Variants in POLD1 observed in about 807,000 individuals in gnomAD.
POLD1 encodes DNA polymerase delta catalytic subunit.
A neutral mutation model predicts 129.7 loss-of-function variants in POLD1; 79 were observed. The observed-to-expected ratio is 0.61, with a 90% CI of 0.51 to 0.73. The LOEUF is 0.73. POLD1 is among the 30% of genes least tolerant of loss of function. POLD1 has a pLI of 0.00. For missense variants in POLD1, 1,338 were observed against 1,595.8 expected, an observed-to-expected ratio of 0.84 and a Z score of 2.75; for synonymous variants, 714 against 683.3, an observed-to-expected ratio of 1.04 and a Z score of -0.70.
At chr19:50,408,599 T>G in intron 14 of POLD1, 186 bp from the exon 15 acceptor site, 2 of 885,924 alleles carry the variant, frequency 2.3e-6, no homozygotes, top group East Asian at 5.1e-5. Context: ...CCCAGGCTGA[T>G]CTGAAACTCC....
chr19:50,417,828 G>A lies in POLD1; in HGVS notation c.3219-14G>A, dbSNP rs755458518. 1.3e-6 allele frequency: 2 copies of A among 1,558,862 alleles called. No individual in the cohort carries two copies. The highest frequency in any genetic ancestry group is 1.7e-6 in the Non-Finnish European group (2 of 1,143,212). On this transcript the variant is annotated splice_polypyrimidine_tract_variant and intron_variant, in intron 26 of 26. Transcript: ENST00000440232. The stretch of plus-strand genomic sequence containing the variant: ...CTTGGCTGGTCCTGACCCTGCCCCT[G>A]CCCCCACCCGCAGCCGGGACTGCCC...
At chr19:50,410,458 T>C (rs972750075) in intron 17 of POLD1, among the ~76,000 whole-genome samples, 24 of 152,010 alleles carry the variant, frequency 1.6e-4, no homozygotes, top group African/African-American at 5.8e-4. Flanking sequence ...GGGTGGGGCC[T>C]TTGCACACAC....
chr19:50,413,653 G>A (rs1004874353), intron 18 of POLD1, 89 bp from the exon 19 acceptor site: 20 of 1,543,956 alleles, frequency 1.3e-5, no homozygotes, highest in African/African-American at 1.1e-4. Flanking sequence ...CTTGGGTCCC[G>A]TTGGCATTAG....
rs2039018033 is a variant in POLD1, at chr19:50,409,502, C to T, written c.2007-17C>T. On this transcript the variant is annotated splice_polypyrimidine_tract_variant and intron_variant, in intron 16 of 26. Coordinates refer to ENST00000440232, the MANE Select transcript of POLD1 (RefSeq NM_002691.4). This position sits in a 1 kb window ranked among gnomAD's most constrained non-coding sequence, Gnocchi z 5.8. ...CCAGGTGCCGCCTGAGTGTGCTTTC[C>T]CCGTGTTCCCTCGCAGGGCCAAGGC... The T allele has an allele frequency of 1.9e-6, 3 of 1,613,510 alleles. No individual in the cohort carries two copies. In the African/African-American group the frequency reaches 4.0e-5, roughly 21 times the overall value.
rs3219362 is a variant in POLD1 at position 50,398,595 on chromosome 19, A to T, written c.-1-256A>T. On this transcript the variant is annotated intron_variant, in intron 1 of 26. Coordinates refer to ENST00000440232, the MANE Select transcript of POLD1 (RefSeq NM_002691.4). ...CAAAAAAAAAAAAAAAAAAAAAAGCAAGAGATGTGCTAAGGACCTAGTGTG... is the reference window on the plus strand; with the variant it reads ...CAAAAAAAAAAAAAAAAAAAAAAGCTAGAGATGTGCTAAGGACCTAGTGTG... 1.1e-4 allele frequency among the ~76,000 whole-genome samples: 14 copies of T among 133,152 alleles called. No individual in the cohort carries two copies. In the East Asian group the frequency reaches 3.3e-3, roughly 31 times the overall value. 87.4% of individuals were successfully genotyped at this position (133,152 alleles called of 152,430 possible).
intron 10 of POLD1, 74 bp downstream of exon 10, chr19:50,403,671 A>T (rs2038756458): frequency 1.1e-6 from 1 of 919,920 alleles, no homozygotes; most frequent in Non-Finnish European, 1.8e-6. Flanking sequence ...CCTCCTTCCC[A>T]CTCCCTCTCC....
rs1060501801 is a variant in POLD1, at chr19:50,417,259, A to T, written c.3208A>T (p.Ile1070Phe). 1 of 1,595,890 alleles carries T rather than the reference A, an allele frequency of 6.3e-7. No homozygotes were observed. ...RCQGSLHEDV[I>F]CTSRDCPIFY... ...CCAGGGCAGCCTGCACGAGGACGTCATCTGCACCAGGTGTGTGCCATGTCC... is the reference window on the plus strand; with the variant it reads ...CCAGGGCAGCCTGCACGAGGACGTCTTCTGCACCAGGTGTGTGCCATGTCC... Residue 1070 changes from isoleucine (I) to phenylalanine (F), a missense_variant, in exon 26 of 27, where the codon ATC becomes TTC. Transcript: ENST00000440232.
Position 50,408,759 on chromosome 19 carries a change from C to T in POLD1, c.1776-26C>T, listed in dbSNP as rs749558029. The T allele has an allele frequency of 1.9e-6, 3 of 1,612,586 alleles. No individual in the cohort carries two copies. The highest frequency in any genetic ancestry group is 1.1e-5 in the South Asian group (1 of 90,938). On this transcript the variant is annotated intron_variant, in intron 14 of 26. Transcript: ENST00000440232. ...GGCATGGGAACTCCTAGCCCTGACT[C>T]CCGGCCGCGGCTGCTCCCCTCCCAG...
Position 50,415,754 on chromosome 19 carries a change from C to A in POLD1, c.2748C>A (p.Pro916=), listed in dbSNP as rs1310437532. Residue 916 remains proline (P), a synonymous_variant, in exon 22 of 27, where the codon CCC becomes CCA. Transcript: ENST00000440232. ...GGAAGCGGGACCCCGGGAGTGCGCC[C>A]AGCCTGGGCGACCGCGTCCCCTACG... ...RMRKRDPGSA[P]SLGDRVPYVI... 5 of 1,567,578 alleles carry A rather than the reference C, an allele frequency of 3.2e-6. No homozygotes were observed. The highest frequency in any genetic ancestry group is 2.3e-5 in the East Asian group (1 of 43,206).
At position 50,401,389 on chromosome 19, in the gene POLD1, ATATTTTTTTTT is replaced by A. The variant is rs2038614206; in HGVS notation, c.317-387_317-377del. Among the ~76,000 whole-genome samples, 362 of 60,264 alleles carry A rather than the reference ATATTTTTTTTT, an allele frequency of 6.0e-3. 2 individuals are homozygous for A. The highest frequency in any genetic ancestry group is 0.026 in the African/African-American group (344 of 13,096). The allele number at this position is 60,264 out of a possible 152,430, so 39.5% of individuals were successfully genotyped here. A position where few individuals can be genotyped will look rare whatever the true frequency, so the allele number is the denominator to read the frequency against. On this transcript the variant is annotated intron_variant, in intron 3 of 26. Coordinates refer to ENST00000440232, the MANE Select transcript of POLD1 (RefSeq NM_002691.4). Reference sequence around the variant, plus strand: ...TGTGTATATATATATATATATATATATATTTTTTTTTTTTTTTTTTTTTTTTCTTTTTTTTG... The same window carrying A: ...TGTGTATATATATATATATATATATATTTTTTTTTTTTTTTCTTTTTTTTG...
At chr19:50,413,357 C>T (rs2039153231) in intron 17 of POLD1, 69 bp from the exon 18 acceptor site, 1 of 1,309,616 alleles carries the variant, frequency 7.6e-7, no homozygotes, top group East Asian at 2.5e-5. Context: ...CGGGACCCCT[C>T]CCCCGCCGGC....
At chr19:50,407,725 A>ATTTTTTT (rs571759517) in intron 14 of POLD1, among the ~76,000 whole-genome samples, 22 of 95,328 alleles carry the variant, frequency 2.3e-4, no homozygotes, top group African/African-American at 8.9e-4. Flanking sequence ...CGCCTGGCTA[A>ATTTTTTT]TTTTTTTTTT....
At chr19:50,400,068 G>T (rs968194173) in intron 3 of POLD1, among the ~76,000 whole-genome samples, 4 of 148,160 alleles carry the variant, frequency 2.7e-5, no homozygotes, top group Non-Finnish European at 5.9e-5. Context: ...ACCCGCCTTG[G>T]CCTCCCAAAG....
Position 50,400,133 on chromosome 19 carries a change from ATTT to A in POLD1, c.316+675_316+677del, listed in dbSNP as rs71182715. 7.2e-3 allele frequency among the ~76,000 whole-genome samples: 348 copies of A among 48,088 alleles called. 2 individuals are homozygous for A. Among genetic ancestry groups the A allele is most frequent in the Middle Eastern group, 0.02 (1 of 50 alleles). 31.5% of individuals were successfully genotyped at this position (48,088 alleles called of 152,430 possible). ...CCAGCCCAATTTGACTTTTTAAAAG[ATTT>A]TTTTTTTTTTTTTTTTTTTTTTTTT... On this transcript the variant is annotated intron_variant, in intron 3 of 26. Transcript: ENST00000440232.
chr19:50,399,365 C>A lies in POLD1; in HGVS notation c.203-6C>A, dbSNP rs769882752. 11 of 1,608,012 alleles carry A rather than the reference C, an allele frequency of 6.8e-6. No homozygotes were observed. The highest frequency in any genetic ancestry group is 1.1e-5 in the South Asian group (1 of 90,976). ...TGTACTCCACTTCCTTCCCTTCCCC[C>A]ACCAGGGCAGGTCCCACCATCAGCC... On this transcript the variant is annotated splice_polypyrimidine_tract_variant and splice_region_variant and intron_variant, in intron 2 of 26. Transcript: ENST00000440232.
intron 1 of POLD1, among the ~76,000 whole-genome samples, chr19:50,390,352 C>T (rs971915829): frequency 6.6e-6 from 1 of 151,740 alleles, no homozygotes; most frequent in African/African-American, 2.4e-5. Context: ...AAGGTTGCCC[C>T]GGGAGGATGG....
rs764924384 is a variant in POLD1, at chr19:50,406,968, C to G, written c.1495-15C>G. The G allele has an allele frequency of 1.1e-4, 170 of 1,576,808 alleles. 1 individual carries two copies. Among genetic ancestry groups the G allele is most frequent in the Non-Finnish European group, 1.4e-4 (164 of 1,160,286 alleles). On this transcript the variant is annotated splice_polypyrimidine_tract_variant and intron_variant, in intron 12 of 26. Coordinates refer to ENST00000440232, the MANE Select transcript of POLD1 (RefSeq NM_002691.4). This position sits in a 1 kb window ranked among gnomAD's most constrained non-coding sequence, Gnocchi z 5.5. Reference sequence around the variant, plus strand: ...CCAACCCCTGGTCCCTGACCCCATCCGTGCCCATCCCCAGAATGGGAACGA... The same window carrying G: ...CCAACCCCTGGTCCCTGACCCCATCGGTGCCCATCCCCAGAATGGGAACGA...
intron 22 of POLD1, 22 bp downstream of exon 22, chr19:50,415,848 G>C: frequency 7.0e-7 from 1 of 1,426,942 alleles, no homozygotes; most frequent in South Asian, 1.4e-5. Context: ...CTGGCTGCCT[G>C]CTCCCGCCCA....
chr19:50,404,570 CTTTCTTT>C (rs2038797502), intron 10 of POLD1, among the ~76,000 whole-genome samples: 1 of 94,494 alleles, frequency 1.1e-5, no homozygotes, highest in African/African-American at 4.6e-5. Context: ...CCCCTTTTCT[CTTTCTTT>C]TTTTTTTTTT....
Sources: allele counts gnomAD v4.1 joint callset (sites outside exome capture counted in the v4.1 genomes callset), GRCh38; gene constraint gnomAD v4.1.1; non-coding constraint Gnocchi (gnomAD v3.1); transcripts MANE v1.5; gene names NCBI Gene and HGNC (gene_info 2026-07-23, HGNC 2026-07-21).